STARD9: variants seen among roughly 807,000 people sequenced by gnomAD.
STARD9 encodes stAR-related lipid transfer protein 9.
Under a neutral mutation model 399.8 loss-of-function variants are expected in STARD9, and 346 were observed. That is an observed-to-expected ratio of 0.87 (90% CI 0.79 to 0.95). The LOEUF (loss-of-function observed/expected upper bound fraction) is 0.95, where lower values mean the gene tolerates loss of function less well. Ranked by LOEUF, STARD9 falls within the 40% of genes least tolerant of loss-of-function variation. The pLI, the probability that STARD9 is intolerant of heterozygous loss-of-function variation, is 0.00. For missense variants in STARD9, 5,832 were observed against 5,667.5 expected (o/e 1.03, Z -0.93); for synonymous variants, 2,203 against 2,143.5 (o/e 1.03, Z -0.77).
At chr15:42,677,115 AAAG>A (rs77840961) in intron 20 of STARD9, among the ~76,000 whole-genome samples, 1 of 148,772 alleles carries the variant, frequency 6.7e-6, no homozygotes. Flanking sequence ...AAAAAAAAAA[AAAG>A]CTGGGCATGG....
At chr15:42,596,034 C>T (rs2058496812) in intron 3 of STARD9, among the ~76,000 whole-genome samples, 1 of 152,188 alleles carries the variant, frequency 6.6e-6, no homozygotes, top group Non-Finnish European at 1.5e-5. Flanking sequence ...GCTCGTGGCA[C>T]ATGACTATGC....
At chr15:42,613,821 C>T (rs567788423) in intron 3 of STARD9, among the ~76,000 whole-genome samples, 4 of 151,884 alleles carry the variant, frequency 2.6e-5, no homozygotes, top group African/African-American at 4.8e-5. Flanking sequence ...AGAAGTTAGC[C>T]GGGTGTGGTG....
At position 42,686,215 on chromosome 15, in the gene STARD9, A is replaced by C; in HGVS notation, c.4637A>C (p.Asn1546Thr). 6.5e-7 allele frequency: 1 copy of C among 1,537,706 alleles called. No individual in the cohort carries two copies. The highest frequency in any genetic ancestry group is 1.4e-5 in the African/African-American group (1 of 73,170). Residue 1546 changes from asparagine to threonine, a missense_variant, in exon 23 of 33, where the codon AAC becomes ACC. Asn to Thr is a moderately conservative substitution (Grantham distance 65, BLOSUM62 0). Around this residue, in one of 2 missense-constraint regions of STARD9, gnomAD observed 5,828 missense variants for 5,651.1 expected, o/e 1.03. Transcript: ENST00000290607. ...GTATCTAGCAATCTGAATCTCAACA[A>C]CTTTCCAGTCCATCTGTCCAGAATC... is the stretch of plus-strand genomic sequence containing the variant. ...PRVSSNLNLN[N>T]FPVHLSRIRR... is the part of the protein sequence containing the mutation.
At chr15:42,696,278 G>C (rs752132815) in intron 26 of STARD9, among the ~76,000 whole-genome samples, 4 of 152,196 alleles carry the variant, frequency 2.6e-5, no homozygotes, top group Non-Finnish European at 5.9e-5. Context: ...GAGATACTCC[G>C]AACAGAATGT....
In STARD9 at chr15:42,692,396, G is replaced by A. The variant is rs750417706; in HGVS notation, c.10818G>A (p.Leu3606=). The A allele has an allele frequency of 1.5e-4, 224 of 1,536,812 alleles. No homozygotes were observed. The highest frequency in any genetic ancestry group is 1.8e-4 in the Non-Finnish European group (209 of 1,146,898). The change falls in exon 23 of 33, where the codon TTG becomes TTA. Residue 3606 remains leucine, a synonymous_variant. Coordinates refer to ENST00000290607, the MANE Select transcript of STARD9 (RefSeq NM_020759.3). ...ACTGTCTGAGGAGTAAGCCCCCCTT[G>A]GCCAAAGGAAGTGCTGCAGGTCCAG... The part of the protein sequence containing the change: ...EADCLRSKPP[L]AKGSAAGPVD...
At chr15:42,596,507 AAGATCTGTATGTCCACCACAGT>A (rs1406041762) in intron 3 of STARD9, among the ~76,000 whole-genome samples, 6 of 152,178 alleles carry the variant, frequency 3.9e-5, no homozygotes, top group Non-Finnish European at 7.4e-5. Flanking sequence ...CTTTGAGCAA[AAGATCTGTATGTCCACCACAGT>A]AGACAGGCAT....
intron 9 of STARD9, 48 bp downstream of exon 9, chr15:42,652,640 T>G: frequency 7.0e-7 from 1 of 1,427,674 alleles, no homozygotes; most frequent in Non-Finnish European, 9.6e-7. Flanking sequence ...TCCTTGTACC[T>G]TTAAACCACT....
Position 42,719,317 on chromosome 15 carries a change from A to G in STARD9, c.14002-156A>G, listed in dbSNP as rs116850713. 1.5e-3 allele frequency among the ~76,000 whole-genome samples: 232 copies of G among 152,224 alleles called. 4 individuals are homozygous for G. The East Asian group carries it at 0.036, about 24-fold the overall frequency. On this transcript the variant is annotated intron_variant, in intron 32 of 32. Transcript: ENST00000290607. Reference sequence around the variant, plus strand: ...CTAGGAGGTGAACGCCAATACTTAGATCTGGATGGCAGAGCCCAGGGGCCT... The same window carrying G: ...CTAGGAGGTGAACGCCAATACTTAGGTCTGGATGGCAGAGCCCAGGGGCCT...
chr15:42,607,182 A>G (rs755818903), intron 3 of STARD9, among the ~76,000 whole-genome samples: 65 of 65,524 alleles, frequency 9.9e-4, no homozygotes, highest in African/African-American at 2.8e-3. Context: ...ACAACCCTGC[A>G]TTTTTCTGGT....
rs150157757 is a variant in STARD9 at position 42,627,260 on chromosome 15, T to C, written c.235-7596T>C. ...GCAGTAAGCTGTGATTGTGCCACTG[T>C]ACTCTAGCCTGGGCAGCAGAGGGAA... On this transcript the variant is annotated intron_variant, in intron 3 of 32. Coordinates refer to ENST00000290607, the MANE Select transcript of STARD9 (RefSeq NM_020759.3). Among the ~76,000 whole-genome samples, 367 of 152,258 alleles carry C rather than the reference T, an allele frequency of 2.4e-3. 1 individual carries two copies. Among genetic ancestry groups the C allele is most frequent in the Middle Eastern group, 0.02 (6 of 294 alleles).
At chr15:42,641,761 C>A (rs533798951) in intron 7 of STARD9, among the ~76,000 whole-genome samples, 2 of 152,050 alleles carry the variant, frequency 1.3e-5, no homozygotes, top group Non-Finnish European at 1.5e-5. Context: ...TGAGCCACCA[C>A]GCCTGGCTAA....
At chr15:42,612,311 G>T (rs1469063419) in intron 3 of STARD9, among the ~76,000 whole-genome samples, 1 of 152,130 alleles carries the variant, frequency 6.6e-6, no homozygotes, top group Non-Finnish European at 1.5e-5. Context: ...TCATCTGTGA[G>T]CTGACAGTGA....
chr15:42,713,434 A>G (rs1410080145), intron 26 of STARD9, among the ~76,000 whole-genome samples: 1 of 152,072 alleles, frequency 6.6e-6, no homozygotes, highest in East Asian at 1.9e-4. Context: ...TACACTGTTT[A>G]TTAGATGTGG....
chr15:42,718,551 C>G (rs1566971644), intron 31 of STARD9, 37 bp downstream of exon 31: 19 of 1,525,364 alleles, frequency 1.2e-5, no homozygotes, highest in Non-Finnish European at 1.5e-5. Context: ...GTGGGAAGAA[C>G]TTGGGCTGAA....
intron 3 of STARD9, among the ~76,000 whole-genome samples, chr15:42,619,763 C>T (rs2059049211): frequency 6.6e-6 from 1 of 152,156 alleles, no homozygotes; most frequent in South Asian, 2.1e-4. Flanking sequence ...CCACCACTCA[C>T]CTCCTGCTGT....
Position 42,691,510 on chromosome 15 carries a change from T to C in STARD9, c.9932T>C (p.Ile3311Thr). The C allele has an allele frequency of 1.3e-6, 2 of 1,537,156 alleles. No individual in the cohort carries two copies. The highest frequency in any genetic ancestry group is 1.7e-6 in the Non-Finnish European group (2 of 1,146,888). ...AGGGGCTCACTTCCTGTGACTACAATCTTCTCTGGCCCCAAACACTCCAGG... is the reference window on the plus strand; with the variant it reads ...AGGGGCTCACTTCCTGTGACTACAACCTTCTCTGGCCCCAAACACTCCAGG... ...NHRGSLPVTT[I>T]FSGPKHSRSS... is the part of the protein sequence containing the mutation. The change falls in exon 23 of 33, where the codon ATC (isoleucine) becomes ACC (threonine). Residue 3311 changes from isoleucine to threonine, a missense_variant. This residue lies in a region of STARD9 where 5,828 missense variants were observed against 5,651.1 expected (regional missense o/e 1.03). Transcript: ENST00000290607.
chr15:42,592,537 C>T (rs191115724), intron 3 of STARD9, among the ~76,000 whole-genome samples: 59 of 152,162 alleles, frequency 3.9e-4, no homozygotes, highest in Admixed American at 2.6e-3. Flanking sequence ...CTCCGCCTTC[C>T]GGTTTCTAGC....
chr15:42,697,426 T>A (rs1030293808), intron 26 of STARD9, among the ~76,000 whole-genome samples: 2 of 152,138 alleles, frequency 1.3e-5, no homozygotes, highest in Admixed American at 6.6e-5. Flanking sequence ...GAATAGTGTT[T>A]CTTTTTTTCT....
At chr15:42,642,339 T>C (rs971449210) in intron 7 of STARD9, among the ~76,000 whole-genome samples, 1 of 152,230 alleles carries the variant, frequency 6.6e-6, no homozygotes, top group African/African-American at 2.4e-5. Flanking sequence ...AAAAAGTTTA[T>C]TTATTAGTCG....
Sources: gnomAD v4.1 joint callset for allele counts (sites outside exome capture counted in the v4.1 genomes callset) on GRCh38, gnomAD v4.1.1 for gene constraint, gnomAD v4.1.1 regional missense constraint, MANE v1.5 for transcripts, NCBI Gene and HGNC (gene_info 2026-07-23, HGNC 2026-07-21) for gene names.